Variants in NFIA observed in about 807,000 individuals in gnomAD.
NFIA encodes nuclear factor I A.
NFIA carries 8 observed loss-of-function variants against 62.8 expected under a neutral mutation model. The observed-to-expected ratio is 0.13, with a 90% CI of 0.07 to 0.23. The LOEUF (loss-of-function observed/expected upper bound fraction) is 0.23. Among genes scored for constraint, NFIA ranks in the 10% least tolerant of loss-of-function variants. The pLI is 1.00. For synonymous variants in NFIA, 235 were observed against 238.1 expected (o/e 0.99, Z 0.12); for missense variants, 410 against 642.1 (o/e 0.64, Z 3.91).
chr1:61,081,989 A>G, upstream of NFIA: 1 of 1,550,006 alleles, frequency 6.5e-7, no homozygotes, highest in Non-Finnish European at 8.7e-7. Context: ...CTACGTGCCC[A>G]CGCGGTGGCC....
chr1:61,267,340 C>T (rs1657235881), intron 2 of NFIA, among the ~76,000 whole-genome samples: 1 of 151,660 alleles, frequency 6.6e-6, no homozygotes, highest in South Asian at 2.1e-4. Context: ...GAAACCCTGT[C>T]TCTACCAAAA....
chr1:61,390,786 G>A (rs971991787), intron 7 of NFIA, among the ~76,000 whole-genome samples: 3 of 152,148 alleles, frequency 2.0e-5, no homozygotes, highest in African/African-American at 7.2e-5. Context: ...ATTAGGGCAA[G>A]GACCACACCT....
intron 2 of NFIA, among the ~76,000 whole-genome samples, chr1:61,196,938 TGTGCGC>T (rs1557629676): frequency 9.5e-6 from 1 of 105,198 alleles, no homozygotes; most frequent in Non-Finnish European, 1.9e-5. Context: ...TGTGTGTGTG[TGTGCGC>T]GCGCGCGCTG....
rs367742285 is a variant in NFIA at position 61,309,617 on chromosome 1, G to A, written c.626-22895G>A. Among the ~76,000 whole-genome samples, 36 of 152,322 alleles carry A rather than the reference G, an allele frequency of 2.4e-4. No homozygotes were observed. In the East Asian group the frequency reaches 4.3e-3, roughly 18 times the overall value. ...GAAATTTAGGTGGATGTGGCCGGGC[G>A]CAGTGGCTAACGCCTATAATCCCAG... On this transcript the variant is annotated intron_variant, in intron 3 of 10. Transcript: ENST00000403491.
At chr1:61,255,432 AC>A (rs910497165) in intron 2 of NFIA, among the ~76,000 whole-genome samples, 5 of 152,234 alleles carry the variant, frequency 3.3e-5, no homozygotes, top group Non-Finnish European at 5.9e-5. Flanking sequence ...TGCTTGAAAT[AC>A]TTTTGCATTA....
chr1:61,083,841 C>A (rs530039793), intron 1 of NFIA, among the ~76,000 whole-genome samples: 2 of 152,054 alleles, frequency 1.3e-5, no homozygotes, highest in Non-Finnish European at 2.9e-5. Flanking sequence ...CTTTTCCCCT[C>A]CGACTCAACT....
At chr1:61,184,237 C>T (rs1650982967) in intron 2 of NFIA, among the ~76,000 whole-genome samples, 1 of 152,068 alleles carries the variant, frequency 6.6e-6, no homozygotes. Context: ...GTTCAGGCCG[C>T]CATTTTAAGG....
chr1:61,373,689 G>A (rs1413695354), intron 6 of NFIA, among the ~76,000 whole-genome samples: 1 of 152,068 alleles, frequency 6.6e-6, no homozygotes, highest in Non-Finnish European at 1.5e-5. Flanking sequence ...TGTTAACCAA[G>A]CTTGAACACT....
At chr1:61,128,877 A>T (rs1647021836) in intron 2 of NFIA, among the ~76,000 whole-genome samples, 1 of 144,662 alleles carries the variant, frequency 6.9e-6, no homozygotes, top group African/African-American at 2.6e-5. Flanking sequence ...GACCCAGAAG[A>T]GTAGTACTCT....
chr1:61,181,004 T>C (rs561994742), intron 2 of NFIA, among the ~76,000 whole-genome samples: 1 of 152,190 alleles, frequency 6.6e-6, no homozygotes, highest in Non-Finnish European at 1.5e-5. Flanking sequence ...GCTAAAATTT[T>C]TATTATTGAG....
intron 6 of NFIA, among the ~76,000 whole-genome samples, chr1:61,367,456 A>G (rs1421370671): frequency 6.6e-6 from 1 of 152,188 alleles, no homozygotes; most frequent in Non-Finnish European, 1.5e-5. Context: ...TTTCTTCTGC[A>G]TTTATGGAGC....
intron 2 of NFIA, 27 bp from the exon 3 acceptor site, chr1:61,277,493 T>A (rs1460039159): frequency 6.2e-7 from 1 of 1,612,948 alleles, no homozygotes; most frequent in Non-Finnish European, 8.5e-7. Context: ...ACCCTGTAAT[T>A]TTTGGCTGTA....
At chr1:61,121,391 T>C (rs1646884269) in intron 2 of NFIA, among the ~76,000 whole-genome samples, 1 of 151,968 alleles carries the variant, frequency 6.6e-6, no homozygotes, top group African/African-American at 2.4e-5. Flanking sequence ...ACCCTCCTCC[T>C]CCCCAAGAAT....
chr1:61,234,128 G>T (rs1654838955), intron 2 of NFIA, among the ~76,000 whole-genome samples: 1 of 152,088 alleles, frequency 6.6e-6, no homozygotes, highest in Admixed American at 6.5e-5. Context: ...AGCACTTTGG[G>T]AGGCCGAGGC....
chr1:61,404,542 C>T (rs570389079), intron 8 of NFIA, among the ~76,000 whole-genome samples: 23 of 152,270 alleles, frequency 1.5e-4, no homozygotes, highest in Admixed American at 6.5e-4. Context: ...ACTATATAAC[C>T]TTCTAAGTTC....
chr1:61,446,726 G>T (rs941735892), intron 10 of NFIA, among the ~76,000 whole-genome samples: 3 of 152,148 alleles, frequency 2.0e-5, no homozygotes, highest in Non-Finnish European at 2.9e-5. Context: ...GAGAATTTTT[G>T]AAATAACTGG....
Position 61,356,664 on chromosome 1 carries a change from C to T in NFIA, c.819-2483C>T, listed in dbSNP as rs74339009. On this transcript the variant is annotated intron_variant, in intron 5 of 10. Coordinates refer to ENST00000403491, the MANE Select transcript of NFIA (RefSeq NM_001134673.4). The stretch of plus-strand genomic sequence containing the variant: ...GTTTTACATAAAATATAGAAAAGTT[C>T]TTCAGTGGCTATTTTTCATTGAACT... Among the ~76,000 whole-genome samples, 3 of 152,120 alleles carry T rather than the reference C, an allele frequency of 2.0e-5. No homozygotes were observed. In the East Asian group the frequency reaches 5.8e-4, roughly 29 times the overall value.
At chr1:61,286,210 G>A (rs992019738) in intron 3 of NFIA, among the ~76,000 whole-genome samples, 4 of 151,858 alleles carry the variant, frequency 2.6e-5, no homozygotes, top group East Asian at 1.9e-4. Flanking sequence ...GGCGGATCAC[G>A]AGGTCAGGGG....
chr1:61,355,690 C>A (rs1393768095), intron 5 of NFIA, among the ~76,000 whole-genome samples: 4 of 152,096 alleles, frequency 2.6e-5, no homozygotes, highest in Non-Finnish European at 5.9e-5. Context: ...AAGCAATTCT[C>A]CTGCCTCAGC....
Sources: gnomAD v4.1 joint callset for allele counts (sites outside exome capture counted in the v4.1 genomes callset) on GRCh38, gnomAD v4.1.1 for gene constraint, MANE v1.5 for transcripts, NCBI Gene and HGNC (gene_info 2026-07-23, HGNC 2026-07-21) for gene names.